AFF4: variants seen among roughly 807,000 people sequenced by gnomAD.
AFF4 encodes AF4/FMR2 family member 4.
In AFF4, 13 loss-of-function variants were observed where a neutral mutation model predicts 124.8. The observed-to-expected ratio is 0.10, with a 90% CI of 0.07 to 0.17. AFF4 has a LOEUF of 0.17. Among genes scored for constraint, AFF4 ranks in the 10% least tolerant of loss-of-function variants. The pLI is 1.00. For synonymous variants in AFF4, 477 were observed against 496.1 expected (o/e 0.96, Z 0.51); for missense variants, 1,092 against 1,403.8 (o/e 0.78, Z 3.55).
rs1412696919 is a variant in AFF4 at position 132,934,774 on chromosome 5, C to G, written c.291G>C (p.Gln97His). 1.2e-6 allele frequency: 2 copies of G among 1,613,996 alleles called. No individual in the cohort carries two copies. Reference protein sequence around the residue: ...DEKSNPNFFEQRHGGSHQSSK... With the variant: ...DEKSNPNFFEHRHGGSHQSSK... ...TACTCTGATGAGAGCCTCCATGTCT[C>G]TGTTCAAAGAAATTTGGGTTAGATT... The change falls in exon 3 of 21, where the codon CAG (glutamine) becomes CAC (histidine). Residue 97 changes from glutamine (Q) to histidine (H), a missense_variant. Physicochemically the swap from Gln to His is conservative, Grantham distance 24. This residue lies in a region of AFF4 where 188 missense variants were observed against 203.0 expected (regional missense o/e 0.93). Transcript: ENST00000265343.
rs1490543501 is a variant in AFF4, at chr5:132,886,531, T to C, written c.3006-128A>G. 6 of 737,390 alleles carry C rather than the reference T, an allele frequency of 8.1e-6. No individual in the cohort carries two copies. In the East Asian group the frequency reaches 1.1e-4, roughly 13 times the overall value. The allele number at this position is 737,390 out of a possible 1,614,324, so 45.7% of individuals were successfully genotyped here. ...TGGCATAGGCCACAACATTAACCGT[T>C]AGGCAAAACCAACAGATGTGTTCTT... On this transcript the variant is annotated intron_variant, in intron 17 of 20. Transcript: ENST00000265343.
chr5:132,926,538 CTT>C (rs371859220), intron 5 of AFF4, among the ~76,000 whole-genome samples: 57 of 137,996 alleles, frequency 4.1e-4, no homozygotes, highest in Non-Finnish European at 5.8e-4. Flanking sequence ...ATACCACTGT[CTT>C]TTTTTTTTTT....
In AFF4 at chr5:132,934,670, C is replaced by T. The variant is rs1434666495; in HGVS notation, c.395G>A (p.Ser132Asn). 6 of 1,614,140 alleles carry T rather than the reference C, an allele frequency of 3.7e-6. No homozygotes were observed. The highest frequency in any genetic ancestry group is 1.7e-5 in the Admixed American group (1 of 60,006). ...GCTACCTGCGCTGGTCCGCTGGCTA[C>T]TATGTCCACTCTGTAAGCCTGAGGA... Reference protein sequence around the residue: ...KRSSGLQSGHSSQRTSAGSSS... With the variant: ...KRSSGLQSGHNSQRTSAGSSS... The change falls in exon 3 of 21, where the codon AGT becomes AAT. Residue 132 changes from serine (S) to asparagine (N), a missense_variant. By Grantham distance (46) the Ser-to-Asn change is conservative. Coordinates refer to ENST00000265343, the MANE Select transcript of AFF4 (RefSeq NM_014423.4).
In AFF4 at chr5:132,879,989, G is replaced by A. The variant is rs540491154; in HGVS notation, c.*1070C>T. 5.0e-5 allele frequency: 19 copies of A among 379,358 alleles called. No individual in the cohort carries two copies. The highest frequency in any genetic ancestry group is 1.5e-4 in the South Asian group (1 of 6,824). The allele number at this position is 379,358 out of a possible 1,614,324, so 23.5% of individuals were successfully genotyped here. Reference sequence around the variant, plus strand: ...AAGCTGTATAGCAAAAGCACACACCGAAGCTCCAGCCTATTTCTGTATCAG... The same window carrying A: ...AAGCTGTATAGCAAAAGCACACACCAAAGCTCCAGCCTATTTCTGTATCAG... On this transcript the variant is annotated 3_prime_UTR_variant, in exon 21 of 21. Transcript: ENST00000265343.
In AFF4 at chr5:132,899,158, AG is replaced by A. The variant is rs896499171; in HGVS notation, c.1189-18del. ...ATCACAATCCTAAAATTAAAACATA[AG>A]AAAGAATCTGTGAATGAATAAACAG... On this transcript the variant is annotated intron_variant, in intron 8 of 20. Coordinates refer to ENST00000265343, the MANE Select transcript of AFF4 (RefSeq NM_014423.4). The A allele has an allele frequency of 9.9e-6, 16 of 1,609,376 alleles. No homozygotes were observed. The highest frequency in any genetic ancestry group is 1.4e-5 in the Non-Finnish European group (16 of 1,176,170).
Position 132,883,271 on chromosome 5 carries a change from A to T in AFF4, c.3364+69T>A, listed in dbSNP as rs1760031539. On this transcript the variant is annotated intron_variant, in intron 20 of 20. Coordinates refer to ENST00000265343, the MANE Select transcript of AFF4 (RefSeq NM_014423.4). ...AAAACTAAATACAGACTAAACGCTTACTTAACTAAATTATAAAAGTTCCTT... is the reference window on the plus strand; with the variant it reads ...AAAACTAAATACAGACTAAACGCTTTCTTAACTAAATTATAAAAGTTCCTT... 2.1e-6 allele frequency: 3 copies of T among 1,420,498 alleles called. No homozygotes were observed. The East Asian group carries it at 6.9e-5, about 32-fold the overall frequency. 88.0% of individuals were successfully genotyped at this position (1,420,498 alleles called of 1,614,324 possible). A position where few individuals can be genotyped will look rare whatever the true frequency, so the allele number is the denominator to read the frequency against.
At chr5:132,943,510 CA>C in intron 1 of AFF4, 1 of 181,550 alleles carries the variant, frequency 5.5e-6, no homozygotes. Flanking sequence ...TCTGTCTCTC[CA>C]AAATATCTAC....
chr5:132,923,629 G>C lies in AFF4; in HGVS notation c.1050+3492C>G, dbSNP rs1217777593. On this transcript the variant is annotated intron_variant, in intron 5 of 20. Coordinates refer to ENST00000265343, the MANE Select transcript of AFF4 (RefSeq NM_014423.4). ...TGCGTGGTAGTCAAGAGGCTGAAAT[G>C]AGAGGATTGCTAGTGCTCAGGAGTT... 2.0e-5 allele frequency among the ~76,000 whole-genome samples: 3 copies of C among 152,276 alleles called. No individual in the cohort carries two copies. In the East Asian group the frequency reaches 5.8e-4, roughly 29 times the overall value.
At chr5:132,898,183 G>A (rs370099130) in intron 10 of AFF4, 47 bp downstream of exon 10, 1 of 1,602,502 alleles carries the variant, frequency 6.2e-7, no homozygotes, top group Non-Finnish European at 8.5e-7. Context: ...ACATCACCAA[G>A]GACCCTGAGA....
chr5:132,909,005 G>A (rs1051573966), intron 5 of AFF4, among the ~76,000 whole-genome samples: 15 of 151,314 alleles, frequency 9.9e-5, no homozygotes, highest in Non-Finnish European at 1.9e-4. Context: ...TCCTGACCTC[G>A]TGATCCACCC....
intron 1 of AFF4, chr5:132,945,276 A>G (rs1196863806): frequency 1.3e-5 from 2 of 152,202 alleles, no homozygotes; most frequent in African/African-American, 4.8e-5. Flanking sequence ...GTACTGTTCA[A>G]TGGAAGCGAC....
At position 132,906,227 on chromosome 5, in the gene AFF4, T is replaced by G. The variant is rs150338536; in HGVS notation, c.1051-1823A>C. Among the ~76,000 whole-genome samples the G allele has an allele frequency of 1.5e-3, 233 of 152,322 alleles. 1 individual carries two copies. Among genetic ancestry groups the G allele is most frequent in the African/African-American group, 5.3e-3 (222 of 41,570 alleles). ...TTCCTCAAATAAGTAAACACAGAGT[T>G]ACCACATGACCCAGCCATTCCACTC... On this transcript the variant is annotated intron_variant, in intron 5 of 20. Coordinates refer to ENST00000265343, the MANE Select transcript of AFF4 (RefSeq NM_014423.4).
chr5:132,877,609 ACTC>A lies in AFF4; in HGVS notation c.*3447_*3449del, dbSNP rs1759871195. 1 of 207,728 alleles carries A rather than the reference ACTC, an allele frequency of 4.8e-6. No homozygotes were observed. Among genetic ancestry groups the A allele is most frequent in the East Asian group, 7.3e-5 (1 of 13,622 alleles). The allele number at this position is 207,728 out of a possible 1,614,324, so 12.9% of individuals were successfully genotyped here. A position where few individuals can be genotyped will look rare whatever the true frequency, so the allele number is the denominator to read the frequency against. On this transcript the variant is annotated 3_prime_UTR_variant, in exon 21 of 21. Coordinates refer to ENST00000265343, the MANE Select transcript of AFF4 (RefSeq NM_014423.4). ...TTACACCTAGAAGAGTGCACAGTGT[ACTC>A]CTCCTCTATATAACTAGGCATCACT...
At chr5:132,910,032 T>C (rs1400088139) in intron 5 of AFF4, among the ~76,000 whole-genome samples, 1 of 152,230 alleles carries the variant, frequency 6.6e-6, no homozygotes, top group Non-Finnish European at 1.5e-5. Context: ...TAATAAATAA[T>C]TCCTATTGCT....
At position 132,896,787 on chromosome 5, in the gene AFF4, T is replaced by C. The variant is rs1760412616; in HGVS notation, c.1843A>G (p.Lys615Glu). 1 of 1,614,046 alleles carries C rather than the reference T, an allele frequency of 6.2e-7. No homozygotes were observed. The highest frequency in any genetic ancestry group is 8.5e-7 in the Non-Finnish European group (1 of 1,179,966). ...GGTCGAGGGGAAGACTTAGACTCCT[T>C]CTTTATATTGGGTTTCCTTGAGCCT... ...TKGSRKPNIK[K>E]ESKSSPRPTA... Residue 615 changes from lysine to glutamate, a missense_variant, in exon 11 of 21, where the codon AAG becomes GAG. This residue lies in a region of AFF4 where 174 missense variants were observed against 205.9 expected (regional missense o/e 0.84). Coordinates refer to ENST00000265343, the MANE Select transcript of AFF4 (RefSeq NM_014423.4).
intron 5 of AFF4, among the ~76,000 whole-genome samples, chr5:132,919,077 G>A (rs148325092): frequency 0.016 from 2,388 of 152,020 alleles, 69 homozygotes; most frequent in African/African-American, 0.055. Context: ...TAGTAGAGAC[G>A]GGGTTTCACC....
intron 5 of AFF4, among the ~76,000 whole-genome samples, chr5:132,921,692 C>T (rs1581306434): frequency 6.6e-6 from 1 of 151,434 alleles, no homozygotes; most frequent in East Asian, 2.0e-4. Context: ...GTCTCAAATC[C>T]CAACCTCAGG....
At chr5:132,919,271 G>A (rs891759527) in intron 5 of AFF4, among the ~76,000 whole-genome samples, 2 of 152,180 alleles carry the variant, frequency 1.3e-5, no homozygotes, top group South Asian at 2.1e-4. Context: ...TTACATTGTA[G>A]TGACTTTACA....
intron 5 of AFF4, among the ~76,000 whole-genome samples, chr5:132,917,572 A>T (rs1760940234): frequency 6.6e-6 from 1 of 152,172 alleles, no homozygotes; most frequent in Non-Finnish European, 1.5e-5. Context: ...ACATTATAAA[A>T]TCTTTATTCA....
Sources: gnomAD v4.1 joint callset for allele counts (sites outside exome capture counted in the v4.1 genomes callset) on GRCh38, gnomAD v4.1.1 for gene constraint, gnomAD v4.1.1 regional missense constraint, MANE v1.5 for transcripts, NCBI Gene and HGNC (gene_info 2026-07-23, HGNC 2026-07-21) for gene names.